Variants in CLDN14 observed in about 807,000 individuals in gnomAD.
The protein encoded by CLDN14 is claudin-14.
In CLDN14, 2 loss-of-function variants were observed where a neutral mutation model predicts 2.1. The observed-to-expected ratio is 0.96, with a 90% CI of 0.39 to 3.01. The LOEUF (loss-of-function observed/expected upper bound fraction) is 3.01. CLDN14 is among the 30% of genes most tolerant of loss of function. CLDN14 has a pLI of 0.09. For synonymous variants in CLDN14, 136 were observed against 154.4 expected (o/e 0.88, Z 0.88); for missense variants, 298 against 328.0 (o/e 0.91, Z 0.71).
chr21:36,483,085 C>A (rs562673916), upstream of CLDN14, among the ~76,000 whole-genome samples: 4 of 152,208 alleles, frequency 2.6e-5, no homozygotes, highest in African/African-American at 9.6e-5. Context: ...GGGTTTGAAC[C>A]GAGCACACTG....
intron 1 of CLDN14, among the ~76,000 whole-genome samples, chr21:36,519,040 A>G (rs946854154): frequency 6.6e-6 from 1 of 152,236 alleles, no homozygotes; most frequent in South Asian, 2.1e-4. Flanking sequence ...CCGTGGGTTC[A>G]GAGGCTGGTT....
intron 1 of CLDN14, among the ~76,000 whole-genome samples, chr21:36,565,113 C>A (rs1410166629): frequency 1.3e-5 from 2 of 152,202 alleles, no homozygotes; most frequent in African/African-American, 2.4e-5. Context: ...AACACAGTTC[C>A]TCAATGTTTT....
chr21:36,474,647 A>T (rs574179125), intron 1 of CLDN14, among the ~76,000 whole-genome samples: 1 of 152,288 alleles, frequency 6.6e-6, no homozygotes, highest in African/African-American at 2.4e-5. Flanking sequence ...AAAAAACTAA[A>T]CCAAAAGAGT....
chr21:36,489,117 G>GAAA lies in CLDN14; in HGVS notation c.-82+21243_-82+21245dup, dbSNP rs869298653. ...AGAGTGAGTGAGAGTCTGTCTCAAA[G>GAAA]AAAAAAAAAAAAAAATATATATATA... On this transcript the variant is annotated intron_variant, in intron 2 of 2. Transcript: ENST00000342108. Among the ~76,000 whole-genome samples, 326 of 56,952 alleles carry GAAA rather than the reference G, an allele frequency of 5.7e-3. 11 individuals are homozygous for GAAA. Among genetic ancestry groups the GAAA allele is most frequent in the African/African-American group, 0.012 (155 of 12,918 alleles). The allele number at this position is 56,952 out of a possible 152,430, so 37.4% of individuals were successfully genotyped here.
chr21:36,541,597 T>C (rs2087489095), intron 1 of CLDN14, among the ~76,000 whole-genome samples: 1 of 152,246 alleles, frequency 6.6e-6, no homozygotes, highest in Non-Finnish European at 1.5e-5. Flanking sequence ...GCATTTTTCT[T>C]ACTACCTACC....
At chr21:36,575,584 G>A (rs551561320) in intron 1 of CLDN14, among the ~76,000 whole-genome samples, 1 of 152,184 alleles carries the variant, frequency 6.6e-6, no homozygotes, top group Non-Finnish European at 1.5e-5. Flanking sequence ...ACAAGCAAGT[G>A]CCACTGCTGT....
intron 2 of CLDN14, among the ~76,000 whole-genome samples, chr21:36,508,698 C>T (rs1165025086): frequency 6.6e-6 from 1 of 152,200 alleles, no homozygotes; most frequent in Admixed American, 6.5e-5. Context: ...TGGGAAGAAA[C>T]CACCGAGGTT....
chr21:36,562,200 C>G (rs1051918524), intron 1 of CLDN14, among the ~76,000 whole-genome samples: 1 of 152,108 alleles, frequency 6.6e-6, no homozygotes, highest in Non-Finnish European at 1.5e-5. Flanking sequence ...AACAGATACC[C>G]TGAAGAAGAG....
chr21:36,559,310 C>A (rs1352756085), intron 1 of CLDN14, among the ~76,000 whole-genome samples: 1 of 152,216 alleles, frequency 6.6e-6, no homozygotes, highest in Non-Finnish European at 1.5e-5. Context: ...GATTCTCCTG[C>A]CTCAGCCTCC....
rs117721620 is a variant in CLDN14, at chr21:36,537,500, T to C, written c.-219-27000A>G. On this transcript the variant is annotated intron_variant, in intron 1 of 2. Transcript: ENST00000342108. ...GATAGTAGATGACGCTAGAGTTAATTTTTTTAAAAATTAATGTTATGAGGT... is the reference window on the plus strand; with the variant it reads ...GATAGTAGATGACGCTAGAGTTAATCTTTTTAAAAATTAATGTTATGAGGT... Among the ~76,000 whole-genome samples the C allele has an allele frequency of 5.5e-3, 834 of 152,316 alleles. 5 individuals carry two copies. Among genetic ancestry groups the C allele is most frequent in the Middle Eastern group, 0.037 (11 of 294 alleles).
chr21:36,530,353 G>A (rs1452606249), intron 1 of CLDN14, among the ~76,000 whole-genome samples: 1 of 152,238 alleles, frequency 6.6e-6, no homozygotes, highest in African/African-American at 2.4e-5. Context: ...ACAGAGATCC[G>A]GGCCACATGC....
intron 1 of CLDN14, among the ~76,000 whole-genome samples, chr21:36,520,613 TA>T (rs771829533): frequency 1.3e-5 from 2 of 152,208 alleles, no homozygotes; most frequent in Non-Finnish European, 2.9e-5. Flanking sequence ...GTGAGTCCAT[TA>T]AACCTCTTTT....
rs182444463 is a variant in CLDN14 at position 36,551,373 on chromosome 21, G to A, written c.-220+25038C>T. 5.5e-4 allele frequency among the ~76,000 whole-genome samples: 84 copies of A among 152,264 alleles called. No individual in the cohort carries two copies. The highest frequency in any genetic ancestry group is 2.0e-3 in the African/African-American group (84 of 41,554). ...AGCCTCTGCCTCCCGTAAGCTGGCGGGCAGACCCAGTCCAAACTTGGCACT... is the reference window on the plus strand; with the variant it reads ...AGCCTCTGCCTCCCGTAAGCTGGCGAGCAGACCCAGTCCAAACTTGGCACT... On this transcript the variant is annotated intron_variant, in intron 1 of 2. Transcript: ENST00000342108. The surrounding 1 kb of genome is among the most constrained non-coding windows in gnomAD (Gnocchi z 4.8).
At chr21:36,553,105 C>T (rs1224023261) in intron 1 of CLDN14, among the ~76,000 whole-genome samples, 3 of 152,162 alleles carry the variant, frequency 2.0e-5, no homozygotes, top group Admixed American at 6.5e-5. Context: ...ATTGGCTGGG[C>T]GTCACCAGCT....
upstream of CLDN14, among the ~76,000 whole-genome samples, chr21:36,483,040 C>T (rs1045375225): frequency 6.6e-6 from 1 of 152,188 alleles, no homozygotes; most frequent in Non-Finnish European, 1.5e-5. Context: ...TGAAGTCACC[C>T]GCCCAAGGTC....
rs190340048 is a variant in CLDN14, at chr21:36,473,812, G to A, written c.-82+5683C>T. Reference sequence around the variant, plus strand: ...AGAGGTAGGAAGAGGAGCCAGCCACGGGCTGTAGGAATGGGCGATAGTGAA... The same window carrying A: ...AGAGGTAGGAAGAGGAGCCAGCCACAGGCTGTAGGAATGGGCGATAGTGAA... On this transcript the variant is annotated intron_variant, in intron 1 of 1. Coordinates refer to ENST00000399135, the MANE Select transcript of CLDN14 (RefSeq NM_001146079.2). Among the ~76,000 whole-genome samples, 148 of 152,340 alleles carry A rather than the reference G, an allele frequency of 9.7e-4. 1 individual carries two copies. Among genetic ancestry groups the A allele is most frequent in the African/African-American group, 3.3e-3 (139 of 41,582 alleles).
intron 1 of CLDN14, among the ~76,000 whole-genome samples, chr21:36,519,183 T>C (rs1438104717): frequency 6.6e-6 from 1 of 152,252 alleles, no homozygotes; most frequent in African/African-American, 2.4e-5. Flanking sequence ...AAGACTCTTG[T>C]CTTTTTAATC....
intron 1 of CLDN14, among the ~76,000 whole-genome samples, chr21:36,563,248 A>T (rs920781343): frequency 1.3e-5 from 2 of 152,196 alleles, no homozygotes; most frequent in Non-Finnish European, 2.9e-5. Flanking sequence ...TGCAGGTAAT[A>T]TGGGAAAAAG....
intron 1 of CLDN14, among the ~76,000 whole-genome samples, chr21:36,539,712 G>A (rs1253531293): frequency 6.7e-6 from 1 of 148,944 alleles, no homozygotes; most frequent in Non-Finnish European, 1.5e-5. Flanking sequence ...GTGAGTGTAC[G>A]GTGTTAGTGT....
Sources: allele counts gnomAD v4.1 joint callset (sites outside exome capture counted in the v4.1 genomes callset), GRCh38; gene constraint gnomAD v4.1.1; non-coding constraint Gnocchi (gnomAD v3.1); transcripts MANE v1.5; gene names NCBI Gene and HGNC (gene_info 2026-07-23, HGNC 2026-07-21).